LHFPL2: variants seen among roughly 807,000 people sequenced by gnomAD.
The protein encoded by LHFPL2 is LHFPL tetraspan subfamily member 2 protein.
In LHFPL2, 7 loss-of-function variants were observed where a neutral mutation model predicts 17.5. The observed-to-expected ratio is 0.40, with a 90% CI of 0.23 to 0.75. The LOEUF is 0.75. Ranked by LOEUF, LHFPL2 falls within the 30% of genes least tolerant of loss-of-function variation. The pLI is 0.37. For synonymous variants in LHFPL2, 134 were observed against 116.2 expected (o/e 1.15, Z -0.99); for missense variants, 241 against 294.8 (o/e 0.82, Z 1.34).
intron 3 of LHFPL2, among the ~76,000 whole-genome samples, chr5:78,545,137 T>C (rs1232240487): frequency 6.6e-6 from 1 of 152,146 alleles, no homozygotes; most frequent in Admixed American, 6.5e-5. Context: ...ATCATACACT[T>C]TCACAGCCAT....
At chr5:78,518,222 G>A (rs1755346045) in intron 3 of LHFPL2, among the ~76,000 whole-genome samples, 1 of 152,192 alleles carries the variant, frequency 6.6e-6, no homozygotes, top group African/African-American at 2.4e-5. Context: ...CAAAATATAA[G>A]TCTTAAAGTG....
intron 3 of LHFPL2, among the ~76,000 whole-genome samples, chr5:78,514,530 C>CCGGG (rs1755233115): frequency 6.6e-6 from 1 of 152,144 alleles, no homozygotes; most frequent in South Asian, 2.1e-4. Context: ...TAGAGCTGAG[C>CCGGG]CGGGGTTTGT....
chr5:78,635,728 G>A (rs542278634), intron 1 of LHFPL2, among the ~76,000 whole-genome samples: 1 of 152,152 alleles, frequency 6.6e-6, no homozygotes, highest in Non-Finnish European at 1.5e-5. Context: ...GTGTGAACCC[G>A]GGAGGCAGAG....
chr5:78,501,998 T>C (rs1418600258), intron 4 of LHFPL2, among the ~76,000 whole-genome samples: 2 of 151,450 alleles, frequency 1.3e-5, no homozygotes, highest in African/African-American at 4.8e-5. Context: ...CAAGTGTCAA[T>C]TAAAAAAAAA....
chr5:78,612,517 A>G (rs1177635525), intron 2 of LHFPL2, among the ~76,000 whole-genome samples: 3 of 152,258 alleles, frequency 2.0e-5, no homozygotes, highest in Non-Finnish European at 2.9e-5. Context: ...ATAAAAGTTC[A>G]TTGGGCATGA....
intron 2 of LHFPL2, among the ~76,000 whole-genome samples, chr5:78,584,995 GTTTTTTTTTTTTTT>G (rs1163195083): frequency 1.2e-4 from 5 of 40,528 alleles, no homozygotes; most frequent in Admixed American, 2.5e-4. Context: ...GGTGCGCTGT[GTTTTTTTTTTTTTT>G]TTTTTTTTTT....
intron 3 of LHFPL2, among the ~76,000 whole-genome samples, chr5:78,536,399 A>C (rs1304200748): frequency 6.6e-6 from 1 of 152,128 alleles, no homozygotes; most frequent in African/African-American, 2.4e-5. Flanking sequence ...CATAGAACCA[A>C]CACAAGTTCT....
intron 3 of LHFPL2, among the ~76,000 whole-genome samples, chr5:78,551,218 T>C (rs1158926608): frequency 6.6e-6 from 1 of 152,130 alleles, no homozygotes; most frequent in Non-Finnish European, 1.5e-5. Flanking sequence ...ACCTCATAAA[T>C]GATAAAAGAG....
chr5:78,639,073 G>A (rs996134522), intron 1 of LHFPL2, among the ~76,000 whole-genome samples: 2 of 152,162 alleles, frequency 1.3e-5, no homozygotes, highest in Non-Finnish European at 1.5e-5. Flanking sequence ...AGGAGCAGTG[G>A]TTCTTGCCTA....
intron 2 of LHFPL2, among the ~76,000 whole-genome samples, chr5:78,609,471 AAAAAAG>A (rs966082761): frequency 6.9e-6 from 1 of 145,358 alleles, no homozygotes; most frequent in African/African-American, 2.8e-5. Flanking sequence ...AAAAAAAAAA[AAAAAAG>A]AGAGAGAGCT....
At chr5:78,618,557 C>T (rs931331656) in intron 2 of LHFPL2, among the ~76,000 whole-genome samples, 3 of 152,174 alleles carry the variant, frequency 2.0e-5, no homozygotes, top group South Asian at 2.1e-4. Context: ...CCATGATGGC[C>T]TTAGGGGAGT....
intron 1 of LHFPL2, among the ~76,000 whole-genome samples, chr5:78,640,109 G>A (rs759645558): frequency 5.3e-5 from 8 of 152,102 alleles, no homozygotes; most frequent in South Asian, 2.1e-4. Flanking sequence ...TTAATTTTCC[G>A]GGCATGTGGG....
intron 1 of LHFPL2, among the ~76,000 whole-genome samples, chr5:78,643,053 A>G (rs973506944): frequency 4.6e-5 from 7 of 152,054 alleles, no homozygotes; most frequent in African/African-American, 1.4e-4. Context: ...TTCACCTGCT[A>G]CAAATGCTCC....
chr5:78,603,478 A>G (rs1027083764), intron 2 of LHFPL2, among the ~76,000 whole-genome samples: 4 of 152,236 alleles, frequency 2.6e-5, no homozygotes, highest in Admixed American at 2.0e-4. Flanking sequence ...AACTAGCAAC[A>G]TGGAATGAGA....
intron 3 of LHFPL2, among the ~76,000 whole-genome samples, chr5:78,531,368 T>G (rs1004482921): frequency 1.4e-5 from 2 of 145,090 alleles, no homozygotes; most frequent in African/African-American, 5.2e-5. Context: ...TGAGCACAGA[T>G]CGTGCCACTG....
chr5:78,611,810 CT>C (rs34481677), intron 2 of LHFPL2, among the ~76,000 whole-genome samples: 7 of 152,126 alleles, frequency 4.6e-5, no homozygotes, highest in African/African-American at 1.4e-4. Context: ...GGAGCACAAA[CT>C]TTTTTTACAG....
intron 2 of LHFPL2, among the ~76,000 whole-genome samples, chr5:78,584,642 C>T (rs1327514283): frequency 6.6e-6 from 1 of 152,180 alleles, no homozygotes; most frequent in Non-Finnish European, 1.5e-5. Context: ...TCTGCCCGTT[C>T]TCAGATCTCC....
intron 3 of LHFPL2, among the ~76,000 whole-genome samples, chr5:78,520,519 G>T (rs896636126): frequency 6.6e-6 from 1 of 152,214 alleles, no homozygotes. Context: ...AGAGCAGATG[G>T]CTCCATAGGA....
Position 78,488,758 on chromosome 5 carries a change from CAT to C in LHFPL2, c.*137_*138del. 1.1e-6 allele frequency: 1 copy of C among 890,866 alleles called. No homozygotes were observed. The highest frequency in any genetic ancestry group is 1.6e-5 in the South Asian group (1 of 63,832). The allele number at this position is 890,866 out of a possible 1,614,324, so 55.2% of individuals were successfully genotyped here. ...CTTTGCGTAGCTGGATGTGGCCTCT[CAT>C]TGGTCCTGTTTAAGCCTCGGGCCGT... is the stretch of plus-strand genomic sequence containing the variant. On this transcript the variant is annotated 3_prime_UTR_variant, in exon 5 of 5. Coordinates refer to ENST00000380345, the MANE Select transcript of LHFPL2 (RefSeq NM_005779.3).
Sources: gnomAD v4.1 joint callset for allele counts (sites outside exome capture counted in the v4.1 genomes callset) on GRCh38, gnomAD v4.1.1 for gene constraint, MANE v1.5 for transcripts, NCBI Gene and HGNC (gene_info 2026-07-23, HGNC 2026-07-21) for gene names.